ZNF665: variants seen among roughly 807,000 people sequenced by gnomAD.
ZNF665 encodes zinc finger protein 665.
ZNF665 carries 6 observed loss-of-function variants against 7.9 expected under a neutral mutation model. The ratio of observed to expected loss-of-function variants is 0.76; its 90% CI spans 0.42 to 1.50. The LOEUF (loss-of-function observed/expected upper bound fraction) is 1.50. ZNF665 is among the 40% of genes most tolerant of loss of function. ZNF665 has a pLI of 0.01. For missense variants in ZNF665, 819 were observed against 806.7 expected (o/e 1.02, Z -0.18); for synonymous variants, 242 against 274.5 (o/e 0.88, Z 1.17).
chr19:53,171,519 TA>T (rs1423164494), intron 3 of ZNF665, among the ~76,000 whole-genome samples: 4 of 86,324 alleles, frequency 4.6e-5, no homozygotes, highest in African/African-American at 1.9e-4. Flanking sequence ...TATATATATA[TA>T]TATATTTTTT....
At chr19:53,193,027 G>A (rs1401912419) in intron 1 of ZNF665, among the ~76,000 whole-genome samples, 8 of 152,196 alleles carry the variant, frequency 5.3e-5, no homozygotes, top group Non-Finnish European at 1.2e-4. Flanking sequence ...CTTCGCAGAT[G>A]AGGACTTCAC....
intron 2 of ZNF665, chr19:53,181,347 G>A (rs2090736430): frequency 6.6e-6 from 1 of 152,080 alleles, no homozygotes; most frequent in Non-Finnish European, 1.5e-5. Flanking sequence ...CTTGAGCCCA[G>A]GAGGTGGAGG....
Position 53,165,364 on chromosome 19 carries a change from A to G in ZNF665, c.1126T>C (p.Cys376Arg). 6.2e-7 allele frequency: 1 copy of G among 1,614,168 alleles called. No homozygotes were observed. The highest frequency in any genetic ancestry group is 8.5e-7 in the Non-Finnish European group (1 of 1,180,008). The part of the protein sequence containing the change: ...RIHTGEKPYK[C>R]NECGKAFSMH... ...CTGAAGGCTTTCCCACACTCATTACACTTGTAAGGTTTCTCACCAGTATGA... is the reference window on the plus strand; with the variant it reads ...CTGAAGGCTTTCCCACACTCATTACGCTTGTAAGGTTTCTCACCAGTATGA... The change falls in exon 4 of 4, where the codon TGT becomes CGT. Residue 376 changes from cysteine to arginine, a missense_variant. Transcript: ENST00000396424.
chr19:53,184,368 G>T (rs979208852), intron 1 of ZNF665, among the ~76,000 whole-genome samples: 34 of 152,240 alleles, frequency 2.2e-4, no homozygotes, highest in Non-Finnish European at 3.7e-4. Flanking sequence ...AATACATGCT[G>T]ACATGTTCAG....
chr19:53,192,675 C>T (rs2090826096), intron 1 of ZNF665, among the ~76,000 whole-genome samples: 1 of 152,182 alleles, frequency 6.6e-6, no homozygotes, highest in Non-Finnish European at 1.5e-5. Flanking sequence ...CCCACACATT[C>T]ACAGGGAGGG....
At chr19:53,171,502 G>GTATATATA (rs1368384374) in intron 3 of ZNF665, among the ~76,000 whole-genome samples, 1 of 27,886 alleles carries the variant, frequency 3.6e-5, no homozygotes, top group Non-Finnish European at 8.2e-5. Context: ...GTGTGTGTGT[G>GTATATATA]TGTATATATA....
chr19:53,173,929 A>G (rs923461937), intron 3 of ZNF665, among the ~76,000 whole-genome samples: 1 of 152,146 alleles, frequency 6.6e-6, no homozygotes, highest in Non-Finnish European at 1.5e-5. Flanking sequence ...AGAAGATCCA[A>G]CCCACTCCCC....
At chr19:53,183,286 C>T in intron 1 of ZNF665, among the ~76,000 whole-genome samples, 1 of 152,146 alleles carries the variant, frequency 6.6e-6, no homozygotes, top group Non-Finnish European at 1.5e-5. Context: ...TGAGCACAGT[C>T]CCTCTCCCCT....
chr19:53,192,773 G>GCCCC (rs1425775995), intron 1 of ZNF665, among the ~76,000 whole-genome samples: 1 of 152,102 alleles, frequency 6.6e-6, no homozygotes, highest in Non-Finnish European at 1.5e-5. Flanking sequence ...CACAGGACAA[G>GCCCC]GCCCGGGCAC....
At chr19:53,166,578 C>A (rs1427491564) in intron 3 of ZNF665, among the ~76,000 whole-genome samples, 1 of 152,104 alleles carries the variant, frequency 6.6e-6, no homozygotes, top group Non-Finnish European at 1.5e-5. Flanking sequence ...ATTCTGTGAA[C>A]AAAACACTCA....
chr19:53,185,317 G>T (rs1430939879), intron 1 of ZNF665, among the ~76,000 whole-genome samples: 1 of 151,938 alleles, frequency 6.6e-6, no homozygotes, highest in Admixed American at 6.5e-5. Flanking sequence ...CTAGACCAAG[G>T]AGCCCTCCGG....
At chr19:53,170,114 C>A in intron 3 of ZNF665, among the ~76,000 whole-genome samples, 1 of 148,196 alleles carries the variant, frequency 6.7e-6, no homozygotes, top group Non-Finnish European at 1.5e-5. Context: ...GCCACACTGA[C>A]TTCCACAATG....
intron 1 of ZNF665, 153 bp from the exon 2 acceptor site, chr19:53,183,096 G>T (rs928429729): frequency 1.8e-5 from 15 of 831,468 alleles, no homozygotes; most frequent in Admixed American, 2.2e-5. Flanking sequence ...GCTGCCCACT[G>T]CACCAGAAAA....
At position 53,174,129 on chromosome 19, in the gene ZNF665, G is replaced by A. The variant is rs189197157; in HGVS notation, c.142+1316C>T. On this transcript the variant is annotated intron_variant, in intron 3 of 3. Transcript: ENST00000396424. The stretch of plus-strand genomic sequence containing the variant: ...CATGAAATGGGATAAAGTATGGATA[G>A]AGGCACTTGCCAAAACTATGGAGTC... Among the ~76,000 whole-genome samples the A allele has an allele frequency of 4.6e-5, 7 of 152,294 alleles. No individual in the cohort carries two copies. The East Asian group carries it at 1.2e-3, about 25-fold the overall frequency.
At position 53,164,322 on chromosome 19, in the gene ZNF665, G is replaced by A. The variant is rs957445121; in HGVS notation, c.*131C>T. The stretch of plus-strand genomic sequence containing the variant: ...CCAGCTAATTTTTGTATTTTTAGTA[G>A]AGACAGCGTTTCACCGTGTTGGCCA... On this transcript the variant is annotated 3_prime_UTR_variant, in exon 4 of 4. Transcript: ENST00000396424. 1 of 684,986 alleles carries A rather than the reference G, an allele frequency of 1.5e-6. No homozygotes were observed. The highest frequency in any genetic ancestry group is 3.2e-5 in the Admixed American group (1 of 31,266). The allele number at this position is 684,986 out of a possible 1,614,324, so 42.4% of individuals were successfully genotyped here. A position where few individuals can be genotyped will look rare whatever the true frequency, so the allele number is the denominator to read the frequency against.
rs1481550974 is a variant in ZNF665, at chr19:53,163,567, C to G, written c.*886G>C. The G allele has an allele frequency of 6.6e-6, 1 of 152,262 alleles. No individual in the cohort carries two copies. Among genetic ancestry groups the G allele is most frequent in the African/African-American group, 2.4e-5 (1 of 41,562 alleles). The allele number at this position is 152,262 out of a possible 1,614,324, so 9.4% of individuals were successfully genotyped here. ...GCCCTTCCATCCTTTGATTCTTTCC[C>G]GAACAACACCATGTTAGGCGTATAA... On this transcript the variant is annotated 3_prime_UTR_variant, in exon 4 of 4. Coordinates refer to ENST00000396424, the MANE Select transcript of ZNF665 (RefSeq NM_024733.5).
chr19:53,170,298 T>C (rs912948397), intron 3 of ZNF665, among the ~76,000 whole-genome samples: 6 of 152,318 alleles, frequency 3.9e-5, no homozygotes, highest in African/African-American at 1.4e-4. Flanking sequence ...ACTACAGGTG[T>C]ATATATTTAT....
rs1174821560 is a variant in ZNF665, at chr19:53,165,811, T to G, written c.679A>C (p.Ile227Leu). The change falls in exon 4 of 4, where the codon ATC becomes CTC. Residue 227 changes from isoleucine to leucine, a missense_variant. Physicochemically the swap from Ile to Leu is conservative, Grantham distance 5. Coordinates refer to ENST00000396424, the MANE Select transcript of ZNF665 (RefSeq NM_024733.5). The stretch of plus-strand genomic sequence containing the variant: ...TTGTAAGGTTTTTCTCCAGTATGGA[T>G]GACCTGATGGATTGTTAGGTTTGAA... ...VRSNLTIHQVIHTGEKPYKCN... is the reference protein window; with the variant it reads ...VRSNLTIHQVLHTGEKPYKCN... The G allele has an allele frequency of 1.2e-6, 2 of 1,614,172 alleles. No homozygotes were observed. The highest frequency in any genetic ancestry group is 2.2e-5 in the South Asian group (2 of 91,084).
chr19:53,184,672 G>A (rs2090763326), intron 1 of ZNF665, among the ~76,000 whole-genome samples: 1 of 152,168 alleles, frequency 6.6e-6, no homozygotes, highest in Admixed American at 6.5e-5. Context: ...CTCGTGTGTG[G>A]AGACGAGAGA....
Sources: gnomAD v4.1 joint callset for allele counts (sites outside exome capture counted in the v4.1 genomes callset) on GRCh38, gnomAD v4.1.1 for gene constraint, MANE v1.5 for transcripts, NCBI Gene and HGNC (gene_info 2026-07-23, HGNC 2026-07-21) for gene names.